The following STK3 variants were observed in gnomAD, a reference collection of about 807,000 sequenced individuals.
STK3 encodes the protein serine/threonine-protein kinase 3.
A neutral mutation model predicts 58.0 loss-of-function variants in STK3; 41 were observed. That is an observed-to-expected ratio of 0.71 (90% CI 0.55 to 0.92). STK3 has a LOEUF of 0.92. STK3 is among the 40% of genes least tolerant of loss of function. The pLI, the probability that STK3 is intolerant of heterozygous loss-of-function variation, is 0.00. For synonymous variants in STK3, 170 were observed against 191.0 expected (o/e 0.89, Z 0.91); for missense variants, 479 against 602.7 (o/e 0.79, Z 2.15).
intron 3 of STK3, among the ~76,000 whole-genome samples, chr8:98,402,202 A>G (rs944541985): frequency 7.9e-5 from 12 of 152,096 alleles, no homozygotes; most frequent in Admixed American, 4.6e-4. Context: ...TTCCTAAGGG[A>G]TCTTAGGGAG....
chr8:98,355,620 C>T, the STK3 span, among the ~76,000 whole-genome samples: 2 of 152,212 alleles, frequency 1.3e-5, no homozygotes. Context: ...ATAAGCTTGA[C>T]TGCACTTGAT....
At position 98,596,376 on chromosome 8, in the gene STK3, T is replaced by G. The variant is rs545250221; in HGVS notation, c.685-207A>C. The G allele has an allele frequency of 6.1e-6, 3 of 489,194 alleles. No homozygotes were observed. The South Asian group carries it at 1.1e-4, about 19-fold the overall frequency. The allele number at this position is 489,194 out of a possible 1,614,324, so 30.3% of individuals were successfully genotyped here. ...CCCATTAAATTTCCTCTATTTGAAT[T>G]GTAGCTCATTGAGCACATCATTCTT... On this transcript the variant is annotated intron_variant, in intron 6 of 10. Coordinates refer to ENST00000419617, the MANE Select transcript of STK3 (RefSeq NM_006281.4).
At chr8:98,615,222 G>T (rs1355492379) in intron 6 of STK3, among the ~76,000 whole-genome samples, 5 of 150,916 alleles carry the variant, frequency 3.3e-5, no homozygotes, top group Non-Finnish European at 3.0e-5. Flanking sequence ...ACACGGCAGG[G>T]TATTCCAACA....
intron 1 of STK3, among the ~76,000 whole-genome samples, chr8:98,914,494 T>A (rs2922069): frequency 0.21 from 24,450 of 116,310 alleles, 2,265 homozygotes; most frequent in East Asian, 0.4. Flanking sequence ...ACACACACAC[T>A]CTCTCTCTCT....
chr8:98,604,244 T>A (rs1054252057), intron 6 of STK3, among the ~76,000 whole-genome samples: 2 of 152,224 alleles, frequency 1.3e-5, no homozygotes, highest in African/African-American at 4.8e-5. Flanking sequence ...GAGATATGTG[T>A]TAGACACTGT....
chr8:98,665,297 C>T (rs931405171), intron 6 of STK3, among the ~76,000 whole-genome samples: 1 of 152,218 alleles, frequency 6.6e-6, no homozygotes, highest in Non-Finnish European at 1.5e-5. Context: ...TATTTCACCA[C>T]ACTATTGATC....
intron 1 of STK3, among the ~76,000 whole-genome samples, chr8:98,900,353 T>C (rs1346958644): frequency 6.6e-6 from 1 of 152,162 alleles, no homozygotes; most frequent in Non-Finnish European, 1.5e-5. Context: ...AGTGCTGAGA[T>C]TACAGGCGTG....
chr8:98,715,171 G>T lies in STK3; in HGVS notation c.352-7860C>A, dbSNP rs946470011. Among the ~76,000 whole-genome samples, 22 of 152,114 alleles carry T rather than the reference G, an allele frequency of 1.4e-4. No homozygotes were observed. The South Asian group carries it at 2.9e-3, about 20-fold the overall frequency. On this transcript the variant is annotated intron_variant, in intron 4 of 10. Coordinates refer to ENST00000419617, the MANE Select transcript of STK3 (RefSeq NM_006281.4). ...GACTTACATGTTAGACCTAAAACCA[G>T]AAAAACCCTAGAAGAAAACCTAGGC...
intron 7 of STK3, among the ~76,000 whole-genome samples, chr8:98,583,213 T>C (rs1372065001): frequency 3.3e-5 from 5 of 152,218 alleles, no homozygotes; most frequent in Non-Finnish European, 2.9e-5. Context: ...ACCAATACCA[T>C]TGAATACAAT....
At chr8:98,453,254 A>G (rs943206440), downstream of STK3, among the ~76,000 whole-genome samples, 1 of 146,858 alleles carries the variant, frequency 6.8e-6, no homozygotes, top group African/African-American at 2.5e-5. Context: ...ACGCCCAGCT[A>G]ATTTTTGTAT....
chr8:98,480,980 A>G (rs1322204436), intron 10 of STK3, among the ~76,000 whole-genome samples: 1 of 152,222 alleles, frequency 6.6e-6, no homozygotes, highest in Non-Finnish European at 1.5e-5. Context: ...AAAATTTTTT[A>G]TACTGAAAAA....
intron 6 of STK3, among the ~76,000 whole-genome samples, chr8:98,678,924 C>T (rs775495796): frequency 1.3e-5 from 2 of 152,166 alleles, no homozygotes; most frequent in Non-Finnish European, 2.9e-5. Flanking sequence ...TCCATTTCTG[C>T]CTTCCTGCTT....
chr8:98,421,165 T>C (rs370971095), intron 3 of STK3, among the ~76,000 whole-genome samples: 3 of 152,224 alleles, frequency 2.0e-5, no homozygotes, highest in South Asian at 2.1e-4. Context: ...TCCCAGAAGG[T>C]AGGGCCAGTG....
At chr8:98,812,547 C>G (rs1027432733) in intron 1 of STK3, among the ~76,000 whole-genome samples, 7 of 152,142 alleles carry the variant, frequency 4.6e-5, no homozygotes, top group African/African-American at 1.2e-4. Flanking sequence ...GGTATATACC[C>G]AAAGGTTTAT....
chr8:98,887,121 A>T (rs1470453847), intron 1 of STK3, among the ~76,000 whole-genome samples: 2 of 152,080 alleles, frequency 1.3e-5, no homozygotes, highest in Non-Finnish European at 2.9e-5. Context: ...AGAAATCATC[A>T]TTTGGTTACT....
chr8:98,735,794 T>A (rs1292694239), intron 4 of STK3, among the ~76,000 whole-genome samples: 1 of 152,158 alleles, frequency 6.6e-6, no homozygotes, highest in Non-Finnish European at 1.5e-5. Flanking sequence ...TCAGACTCAG[T>A]TACAATCACT....
chr8:98,525,138 TA>T (rs1825651406), intron 10 of STK3, among the ~76,000 whole-genome samples: 1 of 152,178 alleles, frequency 6.6e-6, no homozygotes, highest in Non-Finnish European at 1.5e-5. Context: ...ATGGAACTGG[TA>T]GCTATTATCT....
At chr8:98,815,401 G>A (rs1834482516) in intron 1 of STK3, among the ~76,000 whole-genome samples, 1 of 152,190 alleles carries the variant, frequency 6.6e-6, no homozygotes, top group African/African-American at 2.4e-5. Flanking sequence ...TTAGTCTCCA[G>A]GTTAGGATCT....
At chr8:98,698,092 G>T (rs1322381978) in intron 6 of STK3, among the ~76,000 whole-genome samples, 2 of 152,124 alleles carry the variant, frequency 1.3e-5, no homozygotes, top group African/African-American at 4.8e-5. Context: ...TCTTCTTGTT[G>T]AATTGATCCC....
Sources: allele counts gnomAD v4.1 joint callset (sites outside exome capture counted in the v4.1 genomes callset), GRCh38; gene constraint gnomAD v4.1.1; transcripts MANE v1.5; gene names NCBI Gene and HGNC (gene_info 2026-07-23, HGNC 2026-07-21).